The following PNPLA1 variants were observed in gnomAD, a reference collection of about 807,000 sequenced individuals.
PNPLA1 encodes omega-hydroxyceramide transacylase.
PNPLA1 carries 36 observed loss-of-function variants against 51.7 expected under a neutral mutation model. That is an observed-to-expected ratio of 0.70 (90% CI 0.53 to 0.92). The LOEUF (loss-of-function observed/expected upper bound fraction) is 0.92, where lower values mean the gene tolerates loss of function less well. PNPLA1 is among the 40% of genes least tolerant of loss of function. The pLI, the probability that PNPLA1 is intolerant of heterozygous loss-of-function variation, is 0.00. For synonymous variants in PNPLA1, 293 were observed against 280.1 expected, an observed-to-expected ratio of 1.05 and a Z score of -0.46; for missense variants, 658 against 682.5, an observed-to-expected ratio of 0.96 and a Z score of 0.40.
intron 1 of PNPLA1, among the ~76,000 whole-genome samples, chr6:36,262,343 G>A (rs183754679): frequency 1.3e-5 from 2 of 152,110 alleles, no homozygotes; most frequent in Admixed American, 6.5e-5. Context: ...TCAGCCAGAC[G>A]GGGCTACGCA....
upstream of PNPLA1, among the ~76,000 whole-genome samples, chr6:36,268,998 A>T (rs192304763): frequency 6.6e-6 from 1 of 151,484 alleles, no homozygotes; most frequent in East Asian, 2.0e-4. Context: ...CACACACTTT[A>T]TCTAATCTAA....
intron 1 of PNPLA1, among the ~76,000 whole-genome samples, chr6:36,248,108 T>C (rs1448540430): frequency 1.3e-5 from 2 of 152,056 alleles, no homozygotes; most frequent in Non-Finnish European, 2.9e-5. Flanking sequence ...TGCCCGATTG[T>C]CCACACCCTT....
rs537748079 is a variant in PNPLA1 at position 36,308,871 on chromosome 6, G to A, written c.1595+1159G>A. Among the ~76,000 whole-genome samples, 12 of 152,146 alleles carry A rather than the reference G, an allele frequency of 7.9e-5. No homozygotes were observed. The South Asian group carries it at 2.1e-3, about 26-fold the overall frequency. ...TTGGCCAGGCATGTTGACATGTGCC[G>A]GTAGTCCCAGCTATTCGGGAGGCTG... On this transcript the variant is annotated intron_variant, in intron 8 of 8. Coordinates refer to ENST00000636260, the MANE Select transcript of PNPLA1 (RefSeq NM_001374623.1).
chr6:36,291,592 C>CCCCCGGGGGGGGGG lies in PNPLA1; in HGVS notation c.438+40_438+41insCCCCGGGGGGGGGG. On this transcript the variant is annotated intron_variant, in intron 2 of 8. Transcript: ENST00000636260. ...CTGGGAGGGAGGGACACGGAGGGGG[C>CCCCCGGGGGGGGGG]GGGGGAGGGCGGCTCCTGCTCTTTC... 3.8e-5 allele frequency: 4 copies of CCCCCGGGGGGGGGG among 105,200 alleles called. No homozygotes were observed. In the East Asian group the frequency reaches 6.8e-4, roughly 18 times the overall value. The allele number at this position is 105,200 out of a possible 1,614,324, so 6.5% of individuals were successfully genotyped here.
At chr6:36,272,812 A>G (rs946516447) in intron 1 of PNPLA1, among the ~76,000 whole-genome samples, 1 of 152,212 alleles carries the variant, frequency 6.6e-6, no homozygotes, top group African/African-American at 2.4e-5. Context: ...CTGGGTGGAA[A>G]GTCTTTATTT....
At chr6:36,254,936 A>G (rs993779174) in intron 1 of PNPLA1, among the ~76,000 whole-genome samples, 4 of 152,172 alleles carry the variant, frequency 2.6e-5, no homozygotes, top group African/African-American at 9.7e-5. Context: ...TCCGAGTTTA[A>G]TTGGGCATCA....
At chr6:36,286,865 T>G (rs1455513813) in intron 1 of PNPLA1, among the ~76,000 whole-genome samples, 2 of 151,798 alleles carry the variant, frequency 1.3e-5, no homozygotes. Flanking sequence ...TTTTTTTTTT[T>G]GTAGAGACAG....
In PNPLA1 at chr6:36,291,449, C is replaced by A. The variant is rs369445146; in HGVS notation, c.335C>A (p.Ser112Tyr). 6 of 1,613,944 alleles carry A rather than the reference C, an allele frequency of 3.7e-6. No individual in the cohort carries two copies. The highest frequency in any genetic ancestry group is 5.1e-6 in the Non-Finnish European group (6 of 1,180,014). The change falls in exon 2 of 9, where the codon TCC (serine) becomes TAC (tyrosine). Residue 112 changes from serine (S) to tyrosine (Y), a missense_variant. Coordinates refer to ENST00000636260, the MANE Select transcript of PNPLA1 (RefSeq NM_001374623.1). ...QFLYRVLPEDSYKVTTGKLHV... is the reference protein window; with the variant it reads ...QFLYRVLPEDYYKVTTGKLHV... Reference sequence around the variant, plus strand: ...CTGTACCGGGTCCTGCCCGAGGACTCCTACAAGGTCACCACGGGGAAGCTC... The same window carrying A: ...CTGTACCGGGTCCTGCCCGAGGACTACTACAAGGTCACCACGGGGAAGCTC...
upstream of PNPLA1, among the ~76,000 whole-genome samples, chr6:36,267,142 A>T (rs1009096783): frequency 1.3e-5 from 2 of 152,340 alleles, no homozygotes; most frequent in South Asian, 4.1e-4. Context: ...TAACTTAGTT[A>T]AAAAACACCT....
intron 5 of PNPLA1, among the ~76,000 whole-genome samples, chr6:36,299,483 C>T (rs1234404879): frequency 2.0e-5 from 3 of 151,990 alleles, no homozygotes; most frequent in East Asian, 1.9e-4. Context: ...TACAGGCGCC[C>T]GCTACCACGC....
chr6:36,252,547 A>G (rs1451809523), intron 1 of PNPLA1, among the ~76,000 whole-genome samples: 3 of 106,342 alleles, frequency 2.8e-5, no homozygotes, highest in African/African-American at 1.4e-4. Flanking sequence ...GGGGTCAAAA[A>G]AAAAAAAAAA....
intron 1 of PNPLA1, among the ~76,000 whole-genome samples, chr6:36,243,816 A>T (rs1769198538): frequency 6.6e-6 from 1 of 152,178 alleles, no homozygotes; most frequent in Admixed American, 6.5e-5. Flanking sequence ...AAAGGAAAAG[A>T]TGAATTGCAT....
intron 8 of PNPLA1, among the ~76,000 whole-genome samples, chr6:36,308,800 G>A (rs1008333664): frequency 2.0e-5 from 3 of 152,092 alleles, no homozygotes; most frequent in Non-Finnish European, 4.4e-5. Flanking sequence ...ACCAAGTCGG[G>A]TATTATTTAC....
rs140898292 is a variant in PNPLA1, at chr6:36,247,588, A to G, written c.-81+4327A>G. ...TGAATGAATTTTTCTAGGTGTGGAGAAAGATCTGAGAGCAGGTTTACCATA... is the reference window on the plus strand; with the variant it reads ...TGAATGAATTTTTCTAGGTGTGGAGGAAGATCTGAGAGCAGGTTTACCATA... On this transcript the variant is annotated intron_variant, in intron 1 of 7. Coordinates refer to the PNPLA1 transcript ENST00000312917. Among the ~76,000 whole-genome samples the G allele has an allele frequency of 1.3e-3, 197 of 152,252 alleles. 1 individual carries two copies. The highest frequency in any genetic ancestry group is 4.5e-3 in the African/African-American group (189 of 41,546).
intron 1 of PNPLA1, among the ~76,000 whole-genome samples, chr6:36,283,822 T>G (rs1770393669): frequency 6.6e-6 from 1 of 152,134 alleles, no homozygotes; most frequent in Admixed American, 6.6e-5. Flanking sequence ...TCACAGCTGT[T>G]GCATCATCCC....
At chr6:36,256,785 A>G (rs988827229) in intron 1 of PNPLA1, among the ~76,000 whole-genome samples, 4 of 152,196 alleles carry the variant, frequency 2.6e-5, no homozygotes, top group Admixed American at 6.5e-5. Context: ...TTTGTCTGAA[A>G]TAAACAGACA....
intron 1 of PNPLA1, among the ~76,000 whole-genome samples, chr6:36,262,417 A>G (rs1157811414): frequency 6.6e-6 from 1 of 152,244 alleles, no homozygotes; most frequent in Non-Finnish European, 1.5e-5. Context: ...CTATTGGAAC[A>G]AAAGGCCCTC....
At chr6:36,265,500 A>G (rs576223161), upstream of PNPLA1, among the ~76,000 whole-genome samples, 6 of 152,360 alleles carry the variant, frequency 3.9e-5, no homozygotes, top group East Asian at 1.2e-3. Context: ...TTCATGAATC[A>G]GTTATTTTAC....
intron 1 of PNPLA1, among the ~76,000 whole-genome samples, chr6:36,247,611 A>G (rs1335401004): frequency 6.6e-6 from 1 of 152,226 alleles, no homozygotes; most frequent in Non-Finnish European, 1.5e-5. Flanking sequence ...CAGGTTTACC[A>G]TAGTATCTGG....
Sources: allele counts gnomAD v4.1 joint callset (sites outside exome capture counted in the v4.1 genomes callset), GRCh38; gene constraint gnomAD v4.1.1; transcripts MANE v1.5; gene names NCBI Gene and HGNC (gene_info 2026-07-23, HGNC 2026-07-21).